The following CRTC1 variants were observed in gnomAD, a reference collection of about 807,000 sequenced individuals.
The protein encoded by CRTC1 is CREB-regulated transcription coactivator 1.
In CRTC1, 18 loss-of-function variants were observed where a neutral mutation model predicts 66.1. The ratio of observed to expected loss-of-function variants is 0.27; its 90% confidence interval spans 0.19 to 0.40. The LOEUF (loss-of-function observed/expected upper bound fraction) is 0.40, where lower values mean the gene tolerates loss of function less well. Among genes scored for constraint, CRTC1 ranks in the 10% least tolerant of loss-of-function variants. CRTC1 has a pLI of 1.00. For synonymous variants in CRTC1, 416 were observed against 398.8 expected (o/e 1.04, Z -0.51); for missense variants, 669 against 887.9 (o/e 0.75, Z 3.13).
At chr19:18,721,333 T>A (rs985841531) in intron 1 of CRTC1, among the ~76,000 whole-genome samples, 4 of 150,128 alleles carry the variant, frequency 2.7e-5, no homozygotes, top group African/African-American at 4.9e-5. Context: ...AGCTGGGACT[T>A]CAGGCGCCCG....
intron 1 of CRTC1, among the ~76,000 whole-genome samples, chr19:18,717,238 C>T (rs542744258): frequency 6.6e-6 from 1 of 152,086 alleles, no homozygotes; most frequent in African/African-American, 2.4e-5. Context: ...GAGGGGGCTG[C>T]TGGGCTTGGG....
chr19:18,726,817 T>C (rs2053762489), intron 1 of CRTC1, among the ~76,000 whole-genome samples: 1 of 150,998 alleles, frequency 6.6e-6, no homozygotes, highest in South Asian at 2.1e-4. Flanking sequence ...TCCCAGCTAC[T>C]TGGGAGGCCG....
chr19:18,739,713 C>T (rs2054071969), intron 1 of CRTC1, among the ~76,000 whole-genome samples: 1 of 152,176 alleles, frequency 6.6e-6, no homozygotes, highest in Non-Finnish European at 1.5e-5. Flanking sequence ...GACATCTGGC[C>T]GTTCTTCCAG....
At chr19:18,699,750 G>A (rs1383929751) in intron 1 of CRTC1, among the ~76,000 whole-genome samples, 1 of 152,196 alleles carries the variant, frequency 6.6e-6, no homozygotes, top group African/African-American at 2.4e-5. Context: ...TCGTGGGCCA[G>A]GGTGAGGGGT....
Position 18,765,407 on chromosome 19 carries a change from T to C in CRTC1, c.890T>C (p.Met297Thr). 1 of 1,611,478 alleles carries C rather than the reference T, an allele frequency of 6.2e-7. No homozygotes were observed. The highest frequency in any genetic ancestry group is 8.5e-7 in the Non-Finnish European group (1 of 1,178,720). ...CTCCCTCCTACTTCCTCTCTAGGAA[T>C]GAGCACACCTGGCTCCTCTCCACAG... ...HLGIGGAGQGMSTPGSSPQHR... is the reference protein window; with the variant it reads ...HLGIGGAGQGTSTPGSSPQHR... The change falls in exon 9 of 14, where the codon ATG becomes ACG. Residue 297 changes from methionine (M) to threonine (T), a missense_variant. By Grantham distance (81) the Met-to-Thr change is moderately conservative (BLOSUM62 -1). Coordinates refer to ENST00000321949, the MANE Select transcript of CRTC1 (RefSeq NM_015321.3).
chr19:18,729,607 G>C (rs2145670896), intron 1 of CRTC1, among the ~76,000 whole-genome samples: 2 of 152,024 alleles, frequency 1.3e-5, no homozygotes, highest in Non-Finnish European at 2.9e-5. Context: ...TAAGCGTGTT[G>C]GCCTGCCGCT....
At chr19:18,717,708 TC>T (rs2053539019) in intron 1 of CRTC1, among the ~76,000 whole-genome samples, 1 of 151,880 alleles carries the variant, frequency 6.6e-6, no homozygotes, top group South Asian at 2.1e-4. Context: ...GGTGCAGGGT[TC>T]CGGGGTGGGC....
intron 1 of CRTC1, among the ~76,000 whole-genome samples, chr19:18,708,155 G>T (rs1194549745): frequency 6.6e-6 from 1 of 152,182 alleles, no homozygotes. Flanking sequence ...GCATATATGG[G>T]GCCCAGAGGC....
intron 2 of CRTC1, chr19:18,744,039 C>G (rs530854652): frequency 1.3e-6 from 2 of 1,557,934 alleles, no homozygotes; most frequent in Admixed American, 3.4e-5. Context: ...GGGGGAGGTC[C>G]CACGCATCCC....
rs960354817 is a variant in CRTC1 at position 18,760,528 on chromosome 19, G to A, written c.886+300G>A. ...CCCTGGGAGTTTTAACGCAGCTGGG[G>A]TGGGCCAGGCCTTCCCTCCGCCCCT... On this transcript the variant is annotated intron_variant, in intron 8 of 13. Transcript: ENST00000321949. This position sits in a 1 kb window ranked among gnomAD's most constrained non-coding sequence, Gnocchi z 6.2. 2.0e-5 allele frequency among the ~76,000 whole-genome samples: 3 copies of A among 151,956 alleles called. No individual in the cohort carries two copies. The highest frequency in any genetic ancestry group is 2.9e-5 in the Non-Finnish European group (2 of 67,930).
intron 8 of CRTC1, among the ~76,000 whole-genome samples, 175 bp from the exon 9 acceptor site, chr19:18,765,229 G>A (rs891706193): frequency 1.3e-5 from 2 of 152,256 alleles, no homozygotes; most frequent in African/African-American, 2.4e-5. Flanking sequence ...TGGGACCCTC[G>A]GGTCAGGAAT....
At chr19:18,722,154 T>C (rs1278106221) in intron 1 of CRTC1, among the ~76,000 whole-genome samples, 1 of 152,220 alleles carries the variant, frequency 6.6e-6, no homozygotes, top group Non-Finnish European at 1.5e-5. Context: ...CCAGCCTTGC[T>C]GCCATCCTGC....
intron 1 of CRTC1, among the ~76,000 whole-genome samples, chr19:18,722,357 C>G (rs1230975703): frequency 6.6e-6 from 1 of 152,180 alleles, no homozygotes; most frequent in East Asian, 1.9e-4. Flanking sequence ...CATATGCGCC[C>G]ATGTCCTAAG....
chr19:18,752,615 A>T (rs183343062), intron 5 of CRTC1, among the ~76,000 whole-genome samples: 108 of 150,596 alleles, frequency 7.2e-4, no homozygotes, highest in South Asian at 2.1e-4. Flanking sequence ...CACTGTGTCC[A>T]GCCTTGTTTC....
rs553063488 is a variant in CRTC1, at chr19:18,702,619, C to T, written c.126+18791C>T. Among the ~76,000 whole-genome samples the T allele has an allele frequency of 2.0e-4, 30 of 151,614 alleles. No individual in the cohort carries two copies. In the South Asian group the frequency reaches 6.3e-3, roughly 32 times the overall value. On this transcript the variant is annotated intron_variant, in intron 1 of 13. Transcript: ENST00000321949. Reference sequence around the variant, plus strand: ...CACAATCTTGCCTCACCGCAACCTCCACCTCCCGGGTTCAAGCGATTCTCC... The same window carrying T: ...CACAATCTTGCCTCACCGCAACCTCTACCTCCCGGGTTCAAGCGATTCTCC...
In CRTC1 at chr19:18,721,755, A is replaced by G. The variant is rs144001888; in HGVS notation, c.127-21155A>G. On this transcript the variant is annotated intron_variant, in intron 1 of 13. Transcript: ENST00000321949. ...AGCAATCCACCTGCCTCAGTCTCCC[A>G]AAGTGTTGGGATTATAGGCGTGAGC... Among the ~76,000 whole-genome samples the G allele has an allele frequency of 2.3e-3, 346 of 152,306 alleles. 2 individuals carry two copies. The highest frequency in any genetic ancestry group is 7.9e-3 in the African/African-American group (328 of 41,566).
intron 8 of CRTC1, 58 bp from the exon 9 acceptor site, chr19:18,765,346 G>C: frequency 1.3e-6 from 2 of 1,564,974 alleles, no homozygotes; most frequent in Non-Finnish European, 1.7e-6. Flanking sequence ...TGTGTAAGCA[G>C]CCCTTTCTCA....
chr19:18,709,498 C>T (rs757318), intron 1 of CRTC1, among the ~76,000 whole-genome samples: 4 of 151,838 alleles, frequency 2.6e-5, no homozygotes, highest in Admixed American at 6.6e-5. Context: ...AAGGAGGGAG[C>T]GGGCAGGTTA....
At chr19:18,708,489 G>A (rs940692989) in intron 1 of CRTC1, among the ~76,000 whole-genome samples, 1 of 152,182 alleles carries the variant, frequency 6.6e-6, no homozygotes, top group African/African-American at 2.4e-5. Flanking sequence ...GTCTGCCAGG[G>A]CCAGGTGAAT....
Sources: gnomAD v4.1 joint callset for allele counts (sites outside exome capture counted in the v4.1 genomes callset) on GRCh38, gnomAD v4.1.1 for gene constraint, Gnocchi (gnomAD v3.1) non-coding constraint, MANE v1.5 for transcripts, NCBI Gene and HGNC (gene_info 2026-07-23, HGNC 2026-07-21) for gene names.